DESI1: variants seen among roughly 807,000 people sequenced by gnomAD.
DESI1 encodes desumoylating isopeptidase 1.
Under a neutral mutation model 22.4 loss-of-function variants are expected in DESI1, and 17 were observed. The ratio of observed to expected loss-of-function variants is 0.76; its 90% CI spans 0.52 to 1.14. The LOEUF is 1.14. Among genes scored for constraint, DESI1 ranks in the 50% most tolerant of loss-of-function variants. The pLI is 0.00. For missense variants in DESI1, 177 were observed against 208.9 expected, an observed-to-expected ratio of 0.85 and a Z score of 0.94; for synonymous variants, 92 against 84.2, an observed-to-expected ratio of 1.09 and a Z score of -0.51.
At chr22:41,606,819 G>T (rs569755619) in intron 3 of DESI1, among the ~76,000 whole-genome samples, 19 of 151,296 alleles carry the variant, frequency 1.3e-4, no homozygotes, top group African/African-American at 4.6e-4. Flanking sequence ...TCGGAAAAGG[G>T]TGTGGGCTTT....
At chr22:41,613,156 A>G (rs889721359) in intron 1 of DESI1, among the ~76,000 whole-genome samples, 2 of 151,930 alleles carry the variant, frequency 1.3e-5, no homozygotes, top group Non-Finnish European at 2.9e-5. Context: ...TAGGTATTCA[A>G]TAGCCACATG....
chr22:41,608,286 T>C (rs937033512), intron 1 of DESI1, among the ~76,000 whole-genome samples: 1 of 152,174 alleles, frequency 6.6e-6, no homozygotes, highest in Non-Finnish European at 1.5e-5. Context: ...TTTAAATAGT[T>C]AAAGCACGTT....
At chr22:41,604,615 A>C (rs1008904334) in intron 3 of DESI1, among the ~76,000 whole-genome samples, 2 of 152,112 alleles carry the variant, frequency 1.3e-5, no homozygotes, top group Non-Finnish European at 2.9e-5. Flanking sequence ...TGTATCAAGG[A>C]TGCAATAGCT....
rs1022118107 is a variant in DESI1 at position 41,620,969 on chromosome 22, G to C, written c.-130C>G. On this transcript the variant is annotated 5_prime_UTR_variant, in exon 1 of 6. Transcript: ENST00000263256. ...CGAGCCCGGGCCCGGGCTGAGGGGT[G>C]GGGGAGAGGCCGCCCTGCGCTGCTC... is the stretch of plus-strand genomic sequence containing the variant. 7.2e-6 allele frequency: 7 copies of C among 970,982 alleles called. No homozygotes were observed. The highest frequency in any genetic ancestry group is 1.1e-5 in the Non-Finnish European group (7 of 654,510). 60.1% of individuals were successfully genotyped at this position (970,982 alleles called of 1,614,324 possible). A position where few individuals can be genotyped will look rare whatever the true frequency, so the allele number is the denominator to read the frequency against.
chr22:41,613,752 C>T (rs1370081210), intron 1 of DESI1, among the ~76,000 whole-genome samples: 4 of 152,248 alleles, frequency 2.6e-5, no homozygotes, highest in African/African-American at 9.6e-5. Flanking sequence ...CTCACTGACT[C>T]AGGAGTACAG....
chr22:41,605,038 C>T (rs971684923), intron 3 of DESI1, among the ~76,000 whole-genome samples: 5 of 152,326 alleles, frequency 3.3e-5, no homozygotes, highest in East Asian at 1.9e-4. Flanking sequence ...CTTTTGTCCC[C>T]AGTATGTCTC....
intron 1 of DESI1, among the ~76,000 whole-genome samples, chr22:41,612,514 G>A (rs5741854): frequency 3.5e-3 from 467 of 134,078 alleles, no homozygotes; most frequent in Middle Eastern, 0.011. Flanking sequence ...CTCAAAAAAA[G>A]AAAAAAAAAA....
At chr22:41,611,531 T>C (rs58829779) in intron 1 of DESI1, among the ~76,000 whole-genome samples, 10,939 of 151,830 alleles carry the variant, frequency 0.072, 949 homozygotes, top group African/African-American at 0.2. Context: ...CGTGAAGACA[T>C]TTAATAGTTC....
At chr22:41,612,790 T>C (rs537297412) in intron 1 of DESI1, among the ~76,000 whole-genome samples, 1 of 148,262 alleles carries the variant, frequency 6.7e-6, no homozygotes, top group Non-Finnish European at 1.5e-5. Flanking sequence ...GGCGTCTCCC[T>C]ATGTTGTCAA....
At chr22:41,606,708 A>C (rs1486050731) in intron 3 of DESI1, among the ~76,000 whole-genome samples, 2 of 125,270 alleles carry the variant, frequency 1.6e-5, no homozygotes, top group Non-Finnish European at 3.2e-5. Context: ...CGGGAGGCGG[A>C]GCTTGCAGTG....
intron 1 of DESI1, among the ~76,000 whole-genome samples, chr22:41,617,139 T>G (rs1002800301): frequency 6.6e-6 from 1 of 152,178 alleles, no homozygotes; most frequent in Middle Eastern, 3.2e-3. Context: ...TACTTCAATT[T>G]TAAAGGAACG....
chr22:41,603,072 G>C, intron 5 of DESI1, 187 bp downstream of exon 5: 2 of 873,432 alleles, frequency 2.3e-6, no homozygotes, highest in Non-Finnish European at 3.4e-6. Flanking sequence ...GTCTAGCTCT[G>C]AAGGTGGAGG....
intron 5 of DESI1, chr22:41,602,332 C>G: frequency 1.0e-6 from 1 of 985,436 alleles, no homozygotes; most frequent in Non-Finnish European, 1.2e-6. Context: ...CTCAGGGCCC[C>G]ATAACCTAGA....
intron 1 of DESI1, among the ~76,000 whole-genome samples, chr22:41,612,248 C>T (rs1019521919): frequency 1.8e-4 from 28 of 152,140 alleles, no homozygotes; most frequent in Middle Eastern, 6.8e-3. Flanking sequence ...GTGGCTCACG[C>T]CTGTAATCCG....
rs1232668121 is a variant in DESI1, at chr22:41,598,267, T to C, written c.*2830A>G. 1 of 152,328 alleles carries C rather than the reference T, an allele frequency of 6.6e-6. No homozygotes were observed. The highest frequency in any genetic ancestry group is 1.9e-4 in the East Asian group (1 of 5,200). The allele number at this position is 152,328 out of a possible 1,614,324, so 9.4% of individuals were successfully genotyped here. On this transcript the variant is annotated 3_prime_UTR_variant, in exon 6 of 6. Coordinates refer to ENST00000263256, the MANE Select transcript of DESI1 (RefSeq NM_015704.3). ...TACGTGACTCATTTCCCACTGTGCT[T>C]GCCTGTTCACATCCAGGCGGAGTTA...
chr22:41,604,409 A>G (rs1420075012), intron 3 of DESI1, among the ~76,000 whole-genome samples: 2 of 151,842 alleles, frequency 1.3e-5, no homozygotes, highest in Non-Finnish European at 2.9e-5. Flanking sequence ...CCATGCCCAG[A>G]TAATTTTTTG....
At chr22:41,615,634 C>G (rs971321857) in intron 1 of DESI1, among the ~76,000 whole-genome samples, 1 of 152,136 alleles carries the variant, frequency 6.6e-6, no homozygotes, top group African/African-American at 2.4e-5. Flanking sequence ...ATAAATTTTA[C>G]TTAATCTTCA....
At chr22:41,620,082 C>T (rs748897932) in intron 1 of DESI1, among the ~76,000 whole-genome samples, 5 of 152,184 alleles carry the variant, frequency 3.3e-5, no homozygotes, top group Admixed American at 6.5e-5. Flanking sequence ...CCAAACTTCC[C>T]CCAAAACTGC....
chr22:41,617,077 T>C (rs1206744724), intron 1 of DESI1, among the ~76,000 whole-genome samples: 3 of 152,190 alleles, frequency 2.0e-5, no homozygotes, highest in African/African-American at 4.8e-5. Context: ...TCATCCAAAC[T>C]TGAAACATTT....
Sources: allele counts gnomAD v4.1 joint callset (sites outside exome capture counted in the v4.1 genomes callset), GRCh38; gene constraint gnomAD v4.1.1; transcripts MANE v1.5; gene names NCBI Gene and HGNC (gene_info 2026-07-23, HGNC 2026-07-21).